The following DSE variants were observed in gnomAD, a reference collection of about 807,000 sequenced individuals.
DSE encodes dermatan-sulfate epimerase.
Under a neutral mutation model 84.4 loss-of-function variants are expected in DSE, and 36 were observed. That is an observed-to-expected ratio of 0.43 (90% confidence interval 0.33 to 0.56). The LOEUF is 0.56. Ranked by LOEUF, DSE falls within the 20% of genes least tolerant of loss-of-function variation. DSE has a pLI of 0.06. For missense variants in DSE, 862 were observed against 1,169.6 expected, an observed-to-expected ratio of 0.74 and a Z score of 3.84; for synonymous variants, 410 against 430.1, an observed-to-expected ratio of 0.95 and a Z score of 0.58.
intron 2 of DSE, among the ~76,000 whole-genome samples, chr6:116,354,632 T>A (rs1171147498): frequency 6.6e-6 from 1 of 152,122 alleles, no homozygotes; most frequent in Non-Finnish European, 1.5e-5. Flanking sequence ...TCAGAATGGG[T>A]CTAATCTGAA....
intron 2 of DSE, among the ~76,000 whole-genome samples, chr6:116,339,620 G>T (rs377285526): frequency 4.6e-5 from 7 of 152,330 alleles, no homozygotes; most frequent in African/African-American, 1.7e-4. Context: ...CAATCTGGGT[G>T]AGCAAGTAAT....
chr6:116,325,448 G>T (rs1399306187), intron 2 of DSE, among the ~76,000 whole-genome samples: 1 of 152,196 alleles, frequency 6.6e-6, no homozygotes, highest in Non-Finnish European at 1.5e-5. Context: ...TTTTGGATTA[G>T]AGGAATTGTA....
Position 116,436,115 on chromosome 6 carries a change from C to A in DSE, c.1647C>A (p.Leu549=). ...GTGTGGGAGCTTATAACCCCCAGCT[C>A]AACCTGAAGAATGTTCAGAGGAATC... The part of the protein sequence containing the change: ...GEGVGAYNPQ[L]NLKNVQRNLI... The change falls in exon 6 of 6, where the codon CTC becomes CTA. Residue 549 remains leucine, a synonymous_variant. Coordinates refer to ENST00000644252, the MANE Select transcript of DSE (RefSeq NM_013352.4). The A allele has an allele frequency of 6.2e-7, 1 of 1,612,964 alleles. No individual in the cohort carries two copies. Among genetic ancestry groups the A allele is most frequent in the South Asian group, 1.1e-5 (1 of 91,008 alleles).
chr6:116,426,275 T>C (rs1401222919), intron 2 of DSE, among the ~76,000 whole-genome samples: 1 of 152,242 alleles, frequency 6.6e-6, no homozygotes, highest in Non-Finnish European at 1.5e-5. Flanking sequence ...ACATGTTCTA[T>C]GCTTCAGATC....
At chr6:116,417,640 AT>A (rs1782800753) in intron 2 of DSE, among the ~76,000 whole-genome samples, 1 of 152,210 alleles carries the variant, frequency 6.6e-6, no homozygotes, top group Non-Finnish European at 1.5e-5. Context: ...TTTAATTAAT[AT>A]AGAAATATAG....
intron 2 of DSE, among the ~76,000 whole-genome samples, chr6:116,306,048 A>C (rs1007107911): frequency 1.3e-5 from 2 of 152,170 alleles, no homozygotes; most frequent in African/African-American, 4.8e-5. Flanking sequence ...ATGTATGTAC[A>C]TGTGAGTATG....
At chr6:116,374,960 G>C (rs1298840249) in intron 1 of DSE, among the ~76,000 whole-genome samples, 1 of 152,126 alleles carries the variant, frequency 6.6e-6, no homozygotes, top group Non-Finnish European at 1.5e-5. Flanking sequence ...AATATGTTAA[G>C]GTTTTCTCAT....
At chr6:116,267,521 G>C (rs571113806) in intron 2 of DSE, among the ~76,000 whole-genome samples, 1 of 151,956 alleles carries the variant, frequency 6.6e-6, no homozygotes. Flanking sequence ...CAATATTTGT[G>C]TTCTAAGCTA....
intron 2 of DSE, chr6:116,288,356 T>C (rs1774063040): frequency 6.6e-6 from 1 of 152,160 alleles, no homozygotes. Flanking sequence ...GTTAGACTAT[T>C]GTGCAAGGTA....
At chr6:116,375,322 A>G (rs894698326) in intron 1 of DSE, among the ~76,000 whole-genome samples, 6 of 145,708 alleles carry the variant, frequency 4.1e-5, no homozygotes, top group African/African-American at 1.5e-4. Flanking sequence ...TAAAAATTAA[A>G]CTGTTCATTA....
At chr6:116,336,247 G>A (rs1367959941) in intron 2 of DSE, among the ~76,000 whole-genome samples, 2 of 152,202 alleles carry the variant, frequency 1.3e-5, no homozygotes, top group Admixed American at 6.5e-5. Flanking sequence ...GACATAGACA[G>A]AATCTAAATA....
chr6:116,322,250 G>A (rs111365756), intron 2 of DSE, among the ~76,000 whole-genome samples: 6,702 of 152,198 alleles, frequency 0.044, 511 homozygotes, highest in African/African-American at 0.15. Flanking sequence ...GGTCGGGGTC[G>A]ATCTTTAACT....
intron 2 of DSE, among the ~76,000 whole-genome samples, chr6:116,410,963 G>A (rs755014861): frequency 5.9e-5 from 9 of 152,078 alleles, no homozygotes; most frequent in Non-Finnish European, 8.8e-5. Context: ...TTATGGGATG[G>A]TGGGATCTCT....
intron 2 of DSE, among the ~76,000 whole-genome samples, chr6:116,343,480 A>G (rs1005710025): frequency 3.3e-5 from 5 of 152,198 alleles, no homozygotes; most frequent in African/African-American, 1.2e-4. Context: ...AACATTGGCC[A>G]TTCTGCAATA....
At chr6:116,425,003 G>A (rs1374577991) in intron 2 of DSE, among the ~76,000 whole-genome samples, 1 of 152,152 alleles carries the variant, frequency 6.6e-6, no homozygotes, top group Non-Finnish European at 1.5e-5. Flanking sequence ...AATCTTGATG[G>A]TATTGGGAGG....
At chr6:116,268,688 T>C (rs1019309252) in intron 2 of DSE, among the ~76,000 whole-genome samples, 1 of 152,170 alleles carries the variant, frequency 6.6e-6, no homozygotes, top group African/African-American at 2.4e-5. Flanking sequence ...GAGGGAGGTA[T>C]GCATATACAT....
chr6:116,365,553 G>A (rs572053609), upstream of DSE, among the ~76,000 whole-genome samples: 6 of 152,292 alleles, frequency 3.9e-5, no homozygotes, highest in South Asian at 2.1e-4. Flanking sequence ...GCACGTGGCC[G>A]GAAGTTCTTA....
intron 1 of DSE, among the ~76,000 whole-genome samples, chr6:116,395,620 CAT>C (rs1215067856): frequency 6.6e-6 from 1 of 152,054 alleles, no homozygotes; most frequent in African/African-American, 2.4e-5. Flanking sequence ...AGGAGTTTTG[CAT>C]ATCTGTAGAA....
intron 2 of DSE, among the ~76,000 whole-genome samples, chr6:116,262,113 A>G (rs1056540162): frequency 6.6e-6 from 1 of 152,240 alleles, no homozygotes; most frequent in African/African-American, 2.4e-5. Flanking sequence ...GCCTCATAGA[A>G]TAAGTTAGGG....
Sources: gnomAD v4.1 joint callset for allele counts (sites outside exome capture counted in the v4.1 genomes callset) on GRCh38, gnomAD v4.1.1 for gene constraint, MANE v1.5 for transcripts, NCBI Gene and HGNC (gene_info 2026-07-23, HGNC 2026-07-21) for gene names.